TRPS1: variants seen among roughly 807,000 people sequenced by gnomAD.
The protein encoded by TRPS1 is zinc finger transcription factor Trps1.
Under a neutral mutation model 101.2 loss-of-function variants are expected in TRPS1, and 6 were observed. The ratio of observed to expected loss-of-function variants is 0.06; its 90% CI spans 0.03 to 0.12. The LOEUF (loss-of-function observed/expected upper bound fraction) is 0.12. Among genes scored for constraint, TRPS1 ranks in the 10% least tolerant of loss-of-function variants. The probability of loss-of-function intolerance (pLI) is 1.00; values close to 1 mark genes in which losing one functional copy is unlikely to be tolerated. For missense variants in TRPS1, 1,363 were observed against 1,567.0 expected (o/e 0.87, Z 2.20); for synonymous variants, 578 against 589.8 (o/e 0.98, Z 0.29).
At chr8:115,431,345 C>T (rs2129830801) in intron 5 of TRPS1, among the ~76,000 whole-genome samples, 1 of 152,002 alleles carries the variant, frequency 6.6e-6, no homozygotes, top group East Asian at 1.9e-4. Flanking sequence ...ATACAAAGCG[C>T]CTCATATTTA....
intron 5 of TRPS1, chr8:115,492,077 A>T (rs1020474396): frequency 2.4e-6 from 1 of 421,678 alleles, no homozygotes; most frequent in Non-Finnish European, 4.7e-6. Context: ...ACATGTTTAA[A>T]ATTTTGAAAA....
intron 5 of TRPS1, among the ~76,000 whole-genome samples, chr8:115,546,581 G>GACAC (rs71287285): frequency 0.051 from 7,526 of 147,852 alleles, 300 homozygotes; most frequent in African/African-American, 0.11. Flanking sequence ...TGTAAAATGT[G>GACAC]ACACACACAC....
chr8:115,442,550 C>CGTGTGT (rs10570037), intron 5 of TRPS1, among the ~76,000 whole-genome samples: 2,574 of 145,082 alleles, frequency 0.018, 30 homozygotes, highest in South Asian at 0.03. Context: ...AAGTATGGTG[C>CGTGTGT]GTGTGTGTGT....
At chr8:115,415,895 G>C (rs535533963) in intron 6 of TRPS1, among the ~76,000 whole-genome samples, 21 of 152,054 alleles carry the variant, frequency 1.4e-4, no homozygotes, top group African/African-American at 4.8e-4. Flanking sequence ...TTGCAAATGT[G>C]GATATAAAAT....
At chr8:115,419,247 T>A (rs1431679306) in intron 5 of TRPS1, among the ~76,000 whole-genome samples, 1 of 152,168 alleles carries the variant, frequency 6.6e-6, no homozygotes, top group African/African-American at 2.4e-5. Flanking sequence ...TAAAACTAGA[T>A]AATTAGTATT....
Position 115,648,407 on chromosome 8 carries a change from C to T in TRPS1, c.-122+20138G>A, listed in dbSNP as rs536998832. ...CTTCCTGCGATAACACGCCCACAGCCCGGGCGCCGAGCACGCGTGGTGGCG... is the reference window on the plus strand; with the variant it reads ...CTTCCTGCGATAACACGCCCACAGCTCGGGCGCCGAGCACGCGTGGTGGCG... On this transcript the variant is annotated intron_variant, in intron 1 of 6. Coordinates refer to ENST00000395715, the MANE Select transcript of TRPS1 (RefSeq NM_014112.5). Among the ~76,000 whole-genome samples, 364 of 152,318 alleles carry T rather than the reference C, an allele frequency of 2.4e-3. 1 individual carries two copies. Among genetic ancestry groups the T allele is most frequent in the African/African-American group, 8.4e-3 (349 of 41,586 alleles).
intron 5 of TRPS1, among the ~76,000 whole-genome samples, chr8:115,526,865 C>A (rs1195309172): frequency 1.3e-5 from 2 of 152,124 alleles, no homozygotes; most frequent in African/African-American, 4.8e-5. Flanking sequence ...ATAACTCAAA[C>A]TTGGTCTCCT....
At chr8:115,491,030 C>A (rs1815008172) in intron 5 of TRPS1, among the ~76,000 whole-genome samples, 1 of 152,118 alleles carries the variant, frequency 6.6e-6, no homozygotes, top group African/African-American at 2.4e-5. Context: ...TCAGAAAATT[C>A]TTCAATTTTG....
chr8:115,515,658 A>G (rs988619250), intron 5 of TRPS1, among the ~76,000 whole-genome samples: 3 of 151,558 alleles, frequency 2.0e-5, no homozygotes, highest in Non-Finnish European at 4.4e-5. Context: ...CTAAAATTAC[A>G]TCATGTTGTG....
intron 2 of TRPS1, among the ~76,000 whole-genome samples, chr8:115,622,606 T>C (rs932131860): frequency 6.6e-6 from 1 of 152,182 alleles, no homozygotes; most frequent in Non-Finnish European, 1.5e-5. Context: ...CTTCACTAAC[T>C]ATTACAATAT....
At chr8:115,623,089 T>C (rs903655339) in intron 2 of TRPS1, among the ~76,000 whole-genome samples, 2 of 152,108 alleles carry the variant, frequency 1.3e-5, no homozygotes, top group Non-Finnish European at 2.9e-5. Context: ...ATGACTTAAT[T>C]AAATTATCAT....
intron 5 of TRPS1, among the ~76,000 whole-genome samples, chr8:115,570,659 G>T (rs904751868): frequency 8.2e-5 from 12 of 146,072 alleles, no homozygotes; most frequent in African/African-American, 3.1e-4. Flanking sequence ...TGCTTTTAGT[G>T]GAAAAACCTC....
chr8:115,590,086 C>T (rs1189864240), intron 4 of TRPS1, among the ~76,000 whole-genome samples: 1 of 152,146 alleles, frequency 6.6e-6, no homozygotes, highest in African/African-American at 2.4e-5. Flanking sequence ...CACTGTGCTC[C>T]AACCTGGGCG....
At chr8:115,648,356 G>A (rs1245631375) in intron 1 of TRPS1, among the ~76,000 whole-genome samples, 2 of 152,192 alleles carry the variant, frequency 1.3e-5, no homozygotes, top group African/African-American at 4.8e-5. Flanking sequence ...CGGAGGGAAC[G>A]GGCGCACACA....
intron 5 of TRPS1, among the ~76,000 whole-genome samples, chr8:115,537,052 T>C (rs1423717316): frequency 6.6e-6 from 1 of 152,086 alleles, no homozygotes; most frequent in East Asian, 1.9e-4. Flanking sequence ...CTCACACATA[T>C]TTGATTCTCT....
At chr8:115,424,044 A>T (rs1373065652) in intron 5 of TRPS1, among the ~76,000 whole-genome samples, 1 of 152,206 alleles carries the variant, frequency 6.6e-6, no homozygotes, top group Non-Finnish European at 1.5e-5. Flanking sequence ...AAAGGTTTCC[A>T]TTGGTGAAGG....
chr8:115,573,129 G>GA (rs879374631), intron 5 of TRPS1, among the ~76,000 whole-genome samples: 102 of 137,380 alleles, frequency 7.4e-4, no homozygotes, highest in Middle Eastern at 3.9e-3. Context: ...CATCTCAAAA[G>GA]AAAAAAAAAA....
intron 6 of TRPS1, among the ~76,000 whole-genome samples, chr8:115,415,486 T>TA (rs1812896771): frequency 6.6e-6 from 1 of 152,170 alleles, no homozygotes; most frequent in African/African-American, 2.4e-5. Context: ...ACACAGGAGA[T>TA]ACATATTGTT....
intron 5 of TRPS1, among the ~76,000 whole-genome samples, chr8:115,491,741 T>C (rs925989232): frequency 3.9e-5 from 6 of 152,168 alleles, no homozygotes; most frequent in Non-Finnish European, 7.4e-5. Flanking sequence ...CTGATACTGC[T>C]GCCCACCCTC....
Sources: gnomAD v4.1 joint callset for allele counts (sites outside exome capture counted in the v4.1 genomes callset) on GRCh38, gnomAD v4.1.1 for gene constraint, MANE v1.5 for transcripts, NCBI Gene and HGNC (gene_info 2026-07-23, HGNC 2026-07-21) for gene names.